The following BTBD2 variants were observed in gnomAD, a reference collection of about 807,000 sequenced individuals.
BTBD2 encodes BTB/POZ domain-containing protein 2.
BTBD2 carries 15 observed loss-of-function variants against 44.0 expected under a neutral mutation model. The observed-to-expected ratio is 0.34, with a 90% CI of 0.23 to 0.53. The LOEUF (loss-of-function observed/expected upper bound fraction) is 0.53, where lower values mean the gene tolerates loss of function less well. Ranked by LOEUF, BTBD2 falls within the 20% of genes least tolerant of loss-of-function variation. BTBD2 has a pLI of 0.95. For synonymous variants in BTBD2, 443 were observed against 335.9 expected (o/e 1.32, Z -3.49); for missense variants, 657 against 746.4 (o/e 0.88, Z 1.39).
At chr19:2,001,703 A>G (rs1323831501) in intron 1 of BTBD2, among the ~76,000 whole-genome samples, 1 of 152,164 alleles carries the variant, frequency 6.6e-6, no homozygotes, top group Non-Finnish European at 1.5e-5. Flanking sequence ...TACCCTCTGG[A>G]CATGTGAACC....
chr19:1,996,557 A>AAAC (rs1212249512), intron 2 of BTBD2, among the ~76,000 whole-genome samples: 1 of 151,102 alleles, frequency 6.6e-6, no homozygotes, highest in Non-Finnish European at 1.5e-5. Context: ...AAAAAAAAAA[A>AAAC]AAAAAGAAGG....
intron 1 of BTBD2, among the ~76,000 whole-genome samples, chr19:1,998,632 C>A (rs966024498): frequency 6.6e-6 from 1 of 152,134 alleles, no homozygotes; most frequent in Non-Finnish European, 1.5e-5. Flanking sequence ...TATGAACCCG[C>A]GTTTGGCCAG....
intron 5 of BTBD2, chr19:1,987,917 T>C: frequency 1.8e-6 from 1 of 554,458 alleles, no homozygotes. Flanking sequence ...ATACGCTCAC[T>C]CAGGGGCGAT....
intron 1 of BTBD2, among the ~76,000 whole-genome samples, chr19:1,999,868 A>C (rs1029373425): frequency 6.7e-6 from 1 of 150,106 alleles, no homozygotes; most frequent in Non-Finnish European, 1.5e-5. Flanking sequence ...AGGCTGAGGC[A>C]GGAGAATTGC....
At chr19:2,007,132 A>C (rs1489539718) in intron 1 of BTBD2, among the ~76,000 whole-genome samples, 6 of 152,184 alleles carry the variant, frequency 3.9e-5, no homozygotes, top group Non-Finnish European at 5.9e-5. Flanking sequence ...CTGGGATTAC[A>C]GGCGTGAGCC....
rs1012878575 is a variant in BTBD2, at chr19:1,986,310, C to T, written c.*178G>A. The T allele has an allele frequency of 2.6e-6, 2 of 761,214 alleles. No homozygotes were observed. Among genetic ancestry groups the T allele is most frequent in the Non-Finnish European group, 4.2e-6 (2 of 478,928 alleles). The allele number at this position is 761,214 out of a possible 1,614,324, so 47.2% of individuals were successfully genotyped here. On this transcript the variant is annotated 3_prime_UTR_variant, in exon 9 of 9. Coordinates refer to ENST00000255608, the MANE Select transcript of BTBD2 (RefSeq NM_017797.4). ...CCCGGCTGCCCTGATCCAGCAGCCA[C>T]ACTCGTGGTGAACACAGGGCAACCC... is the stretch of plus-strand genomic sequence containing the variant.
At chr19:1,995,160 T>G (rs2016233556) in intron 2 of BTBD2, among the ~76,000 whole-genome samples, 1 of 151,426 alleles carries the variant, frequency 6.6e-6, no homozygotes, top group Non-Finnish European at 1.5e-5. Context: ...AGAGATGGGG[T>G]TTTGCCTTGT....
chr19:2,000,898 A>G (rs1008223415), intron 1 of BTBD2, among the ~76,000 whole-genome samples: 2 of 152,124 alleles, frequency 1.3e-5, no homozygotes, highest in African/African-American at 4.8e-5. Context: ...CGCCTTGAAG[A>G]CGTCGTGCTC....
intron 2 of BTBD2, among the ~76,000 whole-genome samples, chr19:1,997,037 G>A (rs79652221): frequency 0.18 from 27,109 of 151,620 alleles, 2,895 homozygotes; most frequent in African/African-American, 0.29. Flanking sequence ...AAAATTAGCC[G>A]GGCGTGGTGG....
At chr19:1,988,568 A>ATTTT (rs58873301) in intron 5 of BTBD2, 2 of 142,396 alleles carry the variant, frequency 1.4e-5, no homozygotes, top group East Asian at 4.1e-4. Flanking sequence ...AATGTTAACA[A>ATTTT]TTTTTTTTTT....
At chr19:1,999,933 G>A (rs2016306546) in intron 1 of BTBD2, among the ~76,000 whole-genome samples, 2 of 148,132 alleles carry the variant, frequency 1.4e-5, no homozygotes, top group South Asian at 4.2e-4. Context: ...TTGCACTCCT[G>A]CTTGGGTGAC....
At chr19:1,997,552 C>T (rs2016268036) in intron 1 of BTBD2, 89 bp from the exon 2 acceptor site, 4 of 1,554,326 alleles carry the variant, frequency 2.6e-6, no homozygotes, top group Non-Finnish European at 3.5e-6. Flanking sequence ...GTGACCACCC[C>T]ACTAGGGCTC....
At chr19:2,006,884 G>A (rs1049920531) in intron 1 of BTBD2, among the ~76,000 whole-genome samples, 18 of 151,310 alleles carry the variant, frequency 1.2e-4, no homozygotes, top group African/African-American at 4.4e-4. Context: ...TTTTGAGACG[G>A]TCTCACTCTA....
At chr19:2,000,172 G>A (rs1461488941) in intron 1 of BTBD2, among the ~76,000 whole-genome samples, 3 of 152,028 alleles carry the variant, frequency 2.0e-5, no homozygotes, top group African/African-American at 7.2e-5. Context: ...GACTGGCAGA[G>A]GATGAACCCA....
At position 1,985,460 on chromosome 19, in the gene BTBD2, G is replaced by GTTTC. The variant is rs745673369; in HGVS notation, c.*1024_*1027dup. 6.6e-6 allele frequency: 1 copy of GTTTC among 152,444 alleles called. No homozygotes were observed. The highest frequency in any genetic ancestry group is 1.5e-5 in the Non-Finnish European group (1 of 68,076). 9.4% of individuals were successfully genotyped at this position (152,444 alleles called of 1,614,324 possible). A position where few individuals can be genotyped will look rare whatever the true frequency, so the allele number is the denominator to read the frequency against. On this transcript the variant is annotated 3_prime_UTR_variant, in exon 9 of 9. Transcript: ENST00000255608. ...GTGTGCGCTCAAGGCAGGTGCATTTGTTTCTTTATTTAAAAAAATCATCTG... is the reference window on the plus strand; with the variant it reads ...GTGTGCGCTCAAGGCAGGTGCATTTGTTTCTTTCTTTATTTAAAAAAATCATCTG...
At chr19:2,009,491 C>T (rs549271058) in intron 1 of BTBD2, among the ~76,000 whole-genome samples, 1 of 151,954 alleles carries the variant, frequency 6.6e-6, no homozygotes, top group East Asian at 2.0e-4. Context: ...AGCCACCACA[C>T]CCACCCAGAT....
chr19:2,013,748 T>A, intron 1 of BTBD2: 1 of 906,058 alleles, frequency 1.1e-6, no homozygotes, highest in East Asian at 1.2e-4. Flanking sequence ...TTTGAAGGTC[T>A]CTGATCCAGA....
chr19:1,986,577 T>G lies in BTBD2; in HGVS notation c.1489A>C (p.Thr497Pro), dbSNP rs750532175. ...GCCGCGTAGCAAAAGGTGAAGCAGGTCTTGGCGCCCGTGGTGGGCGACTCG... is the reference window on the plus strand; with the variant it reads ...GCCGCGTAGCAAAAGGTGAAGCAGGGCTTGGCGCCCGTGGTGGGCGACTCG... ...THESPTTGAKTCFTFCYAAGN... is the reference protein window; with the variant it reads ...THESPTTGAKPCFTFCYAAGN... The change falls in exon 9 of 9, where the codon ACC becomes CCC. Residue 497 changes from threonine (T) to proline (P), a missense_variant. Coordinates refer to ENST00000255608, the MANE Select transcript of BTBD2 (RefSeq NM_017797.4). The G allele has an allele frequency of 6.2e-7, 1 of 1,614,024 alleles. No homozygotes were observed. Among genetic ancestry groups the G allele is most frequent in the Non-Finnish European group, 8.5e-7 (1 of 1,179,958 alleles).
At chr19:2,000,181 C>G (rs1162344684) in intron 1 of BTBD2, among the ~76,000 whole-genome samples, 1 of 152,034 alleles carries the variant, frequency 6.6e-6, no homozygotes, top group African/African-American at 2.4e-5. Context: ...AGGATGAACC[C>G]ACTGAGTTTG....
Sources: allele counts gnomAD v4.1 joint callset (sites outside exome capture counted in the v4.1 genomes callset), GRCh38; gene constraint gnomAD v4.1.1; transcripts MANE v1.5; gene names NCBI Gene and HGNC (gene_info 2026-07-23, HGNC 2026-07-21).